HEPACAM2: variants seen among roughly 807,000 people sequenced by gnomAD.
HEPACAM2 encodes the protein HEPACAM family member 2.
HEPACAM2 carries 49 observed loss-of-function variants against 49.6 expected under a neutral mutation model. The observed-to-expected ratio is 0.99, with a 90% CI of 0.78 to 1.25. HEPACAM2 has a LOEUF of 1.25. Among genes scored for constraint, HEPACAM2 ranks in the 50% most tolerant of loss-of-function variants. The pLI, the probability that HEPACAM2 is intolerant of heterozygous loss-of-function variation, is 0.00. For synonymous variants in HEPACAM2, 197 were observed against 202.9 expected (o/e 0.97, Z 0.25); for missense variants, 525 against 557.2 (o/e 0.94, Z 0.58).
At chr7:93,207,892 A>C (rs1370072701) in intron 4 of HEPACAM2, among the ~76,000 whole-genome samples, 1 of 152,076 alleles carries the variant, frequency 6.6e-6, no homozygotes, top group Non-Finnish European at 1.5e-5. Flanking sequence ...GAAATCATAC[A>C]GAAAATCATA....
At chr7:93,200,321 C>T (rs1031046354) in intron 4 of HEPACAM2, among the ~76,000 whole-genome samples, 4 of 152,100 alleles carry the variant, frequency 2.6e-5, no homozygotes, top group South Asian at 2.1e-4. Flanking sequence ...TATACCAGTA[C>T]GGTAAGTCCT....
intron 4 of HEPACAM2, among the ~76,000 whole-genome samples, chr7:93,202,404 A>G (rs997857652): frequency 3.9e-5 from 6 of 152,042 alleles, no homozygotes; most frequent in African/African-American, 1.4e-4. Flanking sequence ...CCTAGAATTG[A>G]GAGTAGACAG....
Position 93,219,092 on chromosome 7 carries a change from G to T in HEPACAM2, c.430+9C>A. On this transcript the variant is annotated intron_variant, in intron 2 of 9. Coordinates refer to ENST00000394468, the MANE Select transcript of HEPACAM2 (RefSeq NM_001039372.4). ...GACTGCTGCCCTCGTACACTCACAG[G>T]GGACTCACCATCAACCGTGACTTGT... 1.2e-6 allele frequency: 2 copies of T among 1,611,042 alleles called. No individual in the cohort carries two copies. Among genetic ancestry groups the T allele is most frequent in the South Asian group, 2.2e-5 (2 of 90,784 alleles).
intron 9 of HEPACAM2, among the ~76,000 whole-genome samples, chr7:93,191,357 G>C (rs1199163498): frequency 1.3e-5 from 2 of 151,968 alleles, no homozygotes; most frequent in Non-Finnish European, 2.9e-5. Flanking sequence ...CCAGCACTAG[G>C]TTTCCTCACC....
rs778550802 is a variant in HEPACAM2, at chr7:93,219,210, C to T, written c.321G>A (p.Leu107=). The change falls in exon 2 of 10, where the codon CTG becomes CTA. Residue 107 remains leucine (L), a synonymous_variant. Coordinates refer to ENST00000394468, the MANE Select transcript of HEPACAM2 (RefSeq NM_001039372.4). ...KFTMMPPNAS[L]LINPLQFPDE... ...CAGGGAACTGCAGTGGGTTGATAAG[C>T]AGAGATGCATTGGGTGGCATCATGG... 3 of 1,613,818 alleles carry T rather than the reference C, an allele frequency of 1.9e-6. No individual in the cohort carries two copies. Among genetic ancestry groups the T allele is most frequent in the East Asian group, 2.2e-5 (1 of 44,884 alleles).
Position 93,193,876 on chromosome 7 carries a change from A to G in HEPACAM2, c.1276-1513T>C, listed in dbSNP as rs149787099. Among the ~76,000 whole-genome samples, 973 of 152,250 alleles carry G rather than the reference A, an allele frequency of 6.4e-3. 5 individuals are homozygous for G. The highest frequency in any genetic ancestry group is 0.014 in the South Asian group (68 of 4,824). On this transcript the variant is annotated intron_variant, in intron 8 of 9. Coordinates refer to ENST00000394468, the MANE Select transcript of HEPACAM2 (RefSeq NM_001039372.4). ...TGCATTTGGCTGCTAATCTTCCATT[A>G]CATAGCTACGTATACATAGCTGCCA... is the stretch of plus-strand genomic sequence containing the variant.
chr7:93,197,321 A>G, intron 6 of HEPACAM2, 43 bp from the exon 7 acceptor site: 1 of 1,607,252 alleles, frequency 6.2e-7, no homozygotes, highest in Middle Eastern at 1.7e-4. Context: ...ATAATAATTG[A>G]GGAATAAGCA....
At chr7:93,226,062 T>C (rs1243394342) in intron 1 of HEPACAM2, 5 of 558,288 alleles carry the variant, frequency 9.0e-6, no homozygotes, top group Non-Finnish European at 1.6e-5. Flanking sequence ...TTAAAGACTA[T>C]TGAACCTATA....
intron 1 of HEPACAM2, among the ~76,000 whole-genome samples, chr7:93,225,625 C>G (rs1346946812): frequency 6.6e-6 from 1 of 151,924 alleles, no homozygotes; most frequent in Admixed American, 6.6e-5. Context: ...ACTTTTAAAA[C>G]TGATAAATAG....
At chr7:93,210,725 G>A (rs1207710081) in intron 3 of HEPACAM2, among the ~76,000 whole-genome samples, 2 of 151,838 alleles carry the variant, frequency 1.3e-5, no homozygotes, top group Non-Finnish European at 2.9e-5. Flanking sequence ...TAAAGGTCCT[G>A]ATTTTTTTAA....
intron 3 of HEPACAM2, among the ~76,000 whole-genome samples, chr7:93,213,129 C>T (rs1249028170): frequency 1.3e-5 from 2 of 151,834 alleles, no homozygotes; most frequent in African/African-American, 4.8e-5. Context: ...CTGTGAATGA[C>T]CTTTTTTCCC....
At chr7:93,232,121 G>T in the HEPACAM2 span, among the ~76,000 whole-genome samples, 19 of 152,124 alleles carry the variant, frequency 1.2e-4, no homozygotes, top group Non-Finnish European at 2.2e-4. Context: ...TGTGACTTAG[G>T]TTTCCGTCTC....
chr7:93,229,335 T>C (rs1328127420), upstream of HEPACAM2, among the ~76,000 whole-genome samples: 1 of 152,208 alleles, frequency 6.6e-6, no homozygotes, highest in African/African-American at 2.4e-5. Context: ...CAGTAATGTC[T>C]TCTTCCTGGG....
chr7:93,207,050 T>C (rs1412177076), intron 4 of HEPACAM2, among the ~76,000 whole-genome samples: 6 of 152,102 alleles, frequency 3.9e-5, no homozygotes, highest in African/African-American at 1.2e-4. Context: ...GGTGTCTTAA[T>C]GAAGCTACAT....
chr7:93,197,426 AG>A (rs756034111), intron 5 of HEPACAM2, 29 bp from the exon 6 acceptor site: 2 of 1,588,500 alleles, frequency 1.3e-6, no homozygotes, highest in East Asian at 4.5e-5. Flanking sequence ...AAAAATGGTA[AG>A]GTTTTTTTTA....
rs574550780 is a variant in HEPACAM2 at position 93,221,386 on chromosome 7, T to C, written c.80-1935A>G. Among the ~76,000 whole-genome samples, 152 of 152,304 alleles carry C rather than the reference T, an allele frequency of 1.0e-3. No homozygotes were observed. The Middle Eastern group carries it at 0.01, about 10-fold the overall frequency. ...GAGTCCTCAAGCTTCATCCAAGTCA[T>C]GTCATGAAAGGCCATCAATTTTAAA... is the stretch of plus-strand genomic sequence containing the variant. On this transcript the variant is annotated intron_variant, in intron 1 of 9. Coordinates refer to ENST00000394468, the MANE Select transcript of HEPACAM2 (RefSeq NM_001039372.4).
chr7:93,218,241 T>C (rs1377321182), intron 2 of HEPACAM2, among the ~76,000 whole-genome samples: 3 of 151,842 alleles, frequency 2.0e-5, no homozygotes, highest in East Asian at 3.9e-4. Context: ...ATAGAAGCAA[T>C]GGGAGGATTT....
chr7:93,221,040 T>C (rs1341306191), intron 1 of HEPACAM2, among the ~76,000 whole-genome samples: 2 of 152,124 alleles, frequency 1.3e-5, no homozygotes, highest in African/African-American at 2.4e-5. Flanking sequence ...ACAATGAGTA[T>C]AGACAACACT....
At chr7:93,195,478 CA>C (rs1208881756) in intron 8 of HEPACAM2, among the ~76,000 whole-genome samples, 1 of 152,090 alleles carries the variant, frequency 6.6e-6, no homozygotes, top group Non-Finnish European at 1.5e-5. Context: ...CTCAGCCTCC[CA>C]AAGCCCTAGG....
Sources: gnomAD v4.1 joint callset for allele counts (sites outside exome capture counted in the v4.1 genomes callset) on GRCh38, gnomAD v4.1.1 for gene constraint, MANE v1.5 for transcripts, NCBI Gene and HGNC (gene_info 2026-07-23, HGNC 2026-07-21) for gene names.